Variants in PCDHGB5 observed in about 807,000 individuals in gnomAD.
The protein encoded by PCDHGB5 is protocadherin gamma subfamily B, 5.
Under a neutral mutation model 62.9 loss-of-function variants are expected in PCDHGB5, and 48 were observed. The ratio of observed to expected loss-of-function variants is 0.76; its 90% CI spans 0.61 to 0.97. The LOEUF is 0.97. PCDHGB5 is among the 50% of genes least tolerant of loss of function. The pLI is 0.00. For synonymous variants in PCDHGB5, 474 were observed against 511.2 expected, an observed-to-expected ratio of 0.93 and a Z score of 0.98; for missense variants, 1,118 against 1,198.6, an observed-to-expected ratio of 0.93 and a Z score of 0.99.
chr5:141,421,309 C>T (rs781110850), intron 1 of PCDHGB5: 9 of 1,613,516 alleles, frequency 5.6e-6, no homozygotes, highest in Admixed American at 1.7e-5. Context: ...GCGGGGGTTC[C>T]GGGCCAGGCA....
chr5:141,400,319 C>A lies in PCDHGB5; in HGVS notation c.2192C>A (p.Ser731Tyr), dbSNP rs762588918. The part of the protein sequence containing the change: ...SCFQPGLCVK[S>Y]GPVVPPNYSQ... ...TTCCAACCTGGTCTCTGTGTCAAGTCTGGACCTGTGGTTCCCCCCAACTAC... is the reference window on the plus strand; with the variant it reads ...TTCCAACCTGGTCTCTGTGTCAAGTATGGACCTGTGGTTCCCCCCAACTAC... Residue 731 changes from serine to tyrosine, a missense_variant, in exon 1 of 4, where the codon TCT (serine) becomes TAT (tyrosine). This residue lies in a region of PCDHGB5 where 1,034 missense variants were observed against 1,029.1 expected (regional missense o/e 1.00). Coordinates refer to ENST00000617380, the MANE Select transcript of PCDHGB5 (RefSeq NM_018925.3). The A allele has an allele frequency of 4.3e-6, 7 of 1,614,092 alleles. No individual in the cohort carries two copies. In the South Asian group the frequency reaches 7.7e-5, roughly 18 times the overall value.
chr5:141,469,283 T>C (rs576231993), intron 1 of PCDHGB5, among the ~76,000 whole-genome samples: 1 of 149,898 alleles, frequency 6.7e-6, no homozygotes, highest in African/African-American at 2.5e-5. Flanking sequence ...TCTCAAAAAA[T>C]AAAACAAAAT....
intron 1 of PCDHGB5, chr5:141,415,055 C>T (rs767474996): frequency 6.2e-7 from 1 of 1,613,400 alleles, no homozygotes; most frequent in African/African-American, 1.3e-5. Flanking sequence ...GGGGAGCACA[C>T]GGGCGAGGTG....
Position 141,431,241 on chromosome 5 carries a change from A to T in PCDHGB5, c.2397+30717A>T. On this transcript the variant is annotated intron_variant, in intron 1 of 3. Coordinates refer to ENST00000617380, the MANE Select transcript of PCDHGB5 (RefSeq NM_018925.3). This position sits in a 1 kb window ranked among gnomAD's most constrained non-coding sequence, Gnocchi z 4.8. ...CCTCTACCCCACGCCTGGGATCCGG[A>T]TATCGGGAAGAACTCTCTGCAGAGC... The T allele has an allele frequency of 6.2e-7, 1 of 1,614,138 alleles. No individual in the cohort carries two copies. The highest frequency in any genetic ancestry group is 8.5e-7 in the Non-Finnish European group (1 of 1,180,046).
chr5:141,485,895 C>G lies in PCDHGB5; in HGVS notation c.2398-8912C>G, dbSNP rs1243568042. On this transcript the variant is annotated intron_variant, in intron 1 of 3. Coordinates refer to ENST00000617380, the MANE Select transcript of PCDHGB5 (RefSeq NM_018925.3). This position sits in a 1 kb window ranked among gnomAD's most constrained non-coding sequence, Gnocchi z 5.7. Reference sequence around the variant, plus strand: ...CTGGACGTAAACGACAACGCCCCAGCCTTCCAGCAATCCAGCTACAGGATT... The same window carrying G: ...CTGGACGTAAACGACAACGCCCCAGGCTTCCAGCAATCCAGCTACAGGATT... 3 of 1,614,136 alleles carry G rather than the reference C, an allele frequency of 1.9e-6. No individual in the cohort carries two copies. The highest frequency in any genetic ancestry group is 2.5e-6 in the Non-Finnish European group (3 of 1,180,036).
At chr5:141,414,334 AC>A (rs1187631098) in intron 1 of PCDHGB5, 2 of 1,613,782 alleles carry the variant, frequency 1.2e-6, no homozygotes, top group South Asian at 2.2e-5. Context: ...TGGACAGGTA[AC>A]CTGTTCCATT....
At chr5:141,469,804 T>C (rs1433459377) in intron 1 of PCDHGB5, among the ~76,000 whole-genome samples, 1 of 152,060 alleles carries the variant, frequency 6.6e-6, no homozygotes, top group Non-Finnish European at 1.5e-5. Context: ...TGCAAAAACA[T>C]TGTAGATAGA....
chr5:141,399,736 G>A lies in PCDHGB5; in HGVS notation c.1609G>A (p.Ala537Thr), dbSNP rs771689220. The change falls in exon 1 of 4, where the codon GCG becomes ACG. Residue 537 changes from alanine (A) to threonine (T), a missense_variant. Transcript: ENST00000617380. ...TLQARDQGSPALSANVSLRVL... is the reference protein window; with the variant it reads ...TLQARDQGSPTLSANVSLRVL... ...ACAGGCCCGCGACCAGGGCTCGCCT[G>A]CGCTCAGCGCAAACGTGAGCCTGCG... The A allele has an allele frequency of 2.5e-6, 4 of 1,613,306 alleles. No individual in the cohort carries two copies. The highest frequency in any genetic ancestry group is 3.4e-6 in the Non-Finnish European group (4 of 1,179,866).
Position 141,491,611 on chromosome 5 carries a change from A to G in PCDHGB5, c.2398-3196A>G. The G allele has an allele frequency of 6.2e-7, 1 of 1,613,866 alleles. No individual in the cohort carries two copies. The highest frequency in any genetic ancestry group is 8.5e-7 in the Non-Finnish European group (1 of 1,180,018). Reference sequence around the variant, plus strand: ...GGACGGCAGTGACTTCACTTTTCTAAGACCCCTCAGCGTTCAGCAGCCCAC... The same window carrying G: ...GGACGGCAGTGACTTCACTTTTCTAGGACCCCTCAGCGTTCAGCAGCCCAC... On this transcript the variant is annotated intron_variant, in intron 1 of 3. Transcript: ENST00000617380. This position sits in a 1 kb window ranked among gnomAD's most constrained non-coding sequence, Gnocchi z 6.9.
chr5:141,403,377 T>A, intron 1 of PCDHGB5: 1 of 1,614,016 alleles, frequency 6.2e-7, no homozygotes. Flanking sequence ...GAAGTAAAAA[T>A]TAACGAAATC....
intron 1 of PCDHGB5, among the ~76,000 whole-genome samples, chr5:141,442,843 G>C (rs1264073611): frequency 2.0e-5 from 3 of 152,134 alleles, no homozygotes; most frequent in African/African-American, 7.2e-5. Flanking sequence ...GACAAATCTT[G>C]GCCATTGTAG....
chr5:141,399,375 C>A lies in PCDHGB5; in HGVS notation c.1248C>A (p.Val416=), dbSNP rs548275013. The A allele has an allele frequency of 1.2e-6, 2 of 1,614,016 alleles. No homozygotes were observed. Among genetic ancestry groups the A allele is most frequent in the Non-Finnish European group, 1.7e-6 (2 of 1,179,900 alleles). Residue 416 remains valine (V), a synonymous_variant, in exon 1 of 4, where the codon GTC becomes GTA. Coordinates refer to ENST00000617380, the MANE Select transcript of PCDHGB5 (RefSeq NM_018925.3). ...GAGAGCAAACCCCGGAGTACAATGT[C>A]ACCATCACAGCCACAGACAGGGGCA... ...LDREQTPEYN[V]TITATDRGKP...
rs1412265811 is a variant in PCDHGB5, at chr5:141,461,565, A to G, written c.2398-33242A>G. Among the ~76,000 whole-genome samples the G allele has an allele frequency of 2.6e-5, 4 of 152,178 alleles. No individual in the cohort carries two copies. The East Asian group carries it at 7.7e-4, about 29-fold the overall frequency. On this transcript the variant is annotated intron_variant, in intron 1 of 3. Coordinates refer to ENST00000617380, the MANE Select transcript of PCDHGB5 (RefSeq NM_018925.3). ...CCTTTGTCAGATGTGTACTTTGCAA[A>G]GATAATATTTTGGATGTTATATTTC...
Position 141,485,156 on chromosome 5 carries a change from A to G in PCDHGB5, c.2398-9651A>G. The G allele has an allele frequency of 6.3e-7, 1 of 1,599,118 alleles. No homozygotes were observed. The highest frequency in any genetic ancestry group is 8.6e-7 in the Non-Finnish European group (1 of 1,168,318). On this transcript the variant is annotated intron_variant, in intron 1 of 3. Transcript: ENST00000617380. The surrounding 1 kb of genome is among the most constrained non-coding windows in gnomAD (Gnocchi z 5.7). ...ATCCGCGTCTCAGGAGCAAGTAGAG[A>G]ATTAGCGGGCGGCAGCAATGCTCCG... is the stretch of plus-strand genomic sequence containing the variant.
At chr5:141,499,168 C>T (rs1169979036) in intron 2 of PCDHGB5, among the ~76,000 whole-genome samples, 3 of 152,184 alleles carry the variant, frequency 2.0e-5, no homozygotes, top group African/African-American at 7.2e-5. Context: ...GTCTCAAGCT[C>T]TGAGCCCAGC....
In PCDHGB5 at chr5:141,487,470, G is replaced by C; in HGVS notation, c.2398-7337G>C. ...GACCCTATCAAGTTTGTTGATGTGG[G>C]AGGCCACTCTCATGGCTGTACACCC... On this transcript the variant is annotated intron_variant, in intron 1 of 3. Coordinates refer to ENST00000617380, the MANE Select transcript of PCDHGB5 (RefSeq NM_018925.3). The surrounding 1 kb of genome is among the most constrained non-coding windows in gnomAD (Gnocchi z 5.0). The C allele has an allele frequency of 1.9e-6, 3 of 1,614,162 alleles. No individual in the cohort carries two copies. Among genetic ancestry groups the C allele is most frequent in the South Asian group, 1.1e-5 (1 of 91,084 alleles).
At position 141,511,108 on chromosome 5, in the gene PCDHGB5, G is replaced by A; in HGVS notation, c.2707G>A (p.Asp903Asn). The A allele has an allele frequency of 6.2e-7, 1 of 1,614,244 alleles. No homozygotes were observed. The highest frequency in any genetic ancestry group is 2.2e-5 in the East Asian group (1 of 44,882). Residue 903 changes from aspartate (D) to asparagine (N), a missense_variant, in exon 4 of 4, where the codon GAT (aspartate) becomes AAT (asparagine). Physicochemically the swap from Asp to Asn is conservative, Grantham distance 23. This residue lies in a region of PCDHGB5 where 1,034 missense variants were observed against 1,029.1 expected (regional missense o/e 1.00). Coordinates refer to ENST00000617380, the MANE Select transcript of PCDHGB5 (RefSeq NM_018925.3). ...ATLTNAAGKR[D>N]GKAPAGGNGN... Reference sequence around the variant, plus strand: ...ACTGACCAACGCAGCTGGCAAGCGGGATGGCAAGGCCCCAGCAGGTGGCAA... The same window carrying A: ...ACTGACCAACGCAGCTGGCAAGCGGAATGGCAAGGCCCCAGCAGGTGGCAA...
chr5:141,461,506 AT>A (rs1406680307), intron 1 of PCDHGB5, among the ~76,000 whole-genome samples: 2 of 151,524 alleles, frequency 1.3e-5, no homozygotes, highest in Non-Finnish European at 1.5e-5. Context: ...TTTCTTGGTG[AT>A]TTGTTAGTTC....
rs2099391747 is a variant in PCDHGB5 at position 141,476,440 on chromosome 5, G to A, written c.2398-18367G>A. Reference sequence around the variant, plus strand: ...CACTGCCCTCTTGCACTGTAACTCTGGAGTTGGTAGTGGAGAACCCGCTGG... The same window carrying A: ...CACTGCCCTCTTGCACTGTAACTCTAGAGTTGGTAGTGGAGAACCCGCTGG... On this transcript the variant is annotated intron_variant, in intron 1 of 3. Transcript: ENST00000617380. The surrounding 1 kb of genome is among the most constrained non-coding windows in gnomAD (Gnocchi z 7.6). 1.2e-6 allele frequency: 2 copies of A among 1,613,998 alleles called. No individual in the cohort carries two copies. Among genetic ancestry groups the A allele is most frequent in the African/African-American group, 2.7e-5 (2 of 74,902 alleles).
Sources: allele counts gnomAD v4.1 joint callset (sites outside exome capture counted in the v4.1 genomes callset), GRCh38; gene constraint gnomAD v4.1.1; regional missense constraint gnomAD v4.1.1; non-coding constraint Gnocchi (gnomAD v3.1); transcripts MANE v1.5; gene names NCBI Gene and HGNC (gene_info 2026-07-23, HGNC 2026-07-21).